Variants in RGS6 observed in about 807,000 individuals in gnomAD.
The protein encoded by RGS6 is regulator of G protein signaling 6, also known as regulator of G-protein signaling 6.
RGS6 carries 30 observed loss-of-function variants against 78.5 expected under a neutral mutation model. The observed-to-expected ratio is 0.38, with a 90% CI of 0.29 to 0.52. RGS6 has a LOEUF of 0.52. Among genes scored for constraint, RGS6 ranks in the 20% least tolerant of loss-of-function variants. RGS6 has a pLI of 0.85. For synonymous variants in RGS6, 206 were observed against 206.0 expected, an observed-to-expected ratio of 1.00 and a Z score of 0.00; for missense variants, 495 against 609.7, an observed-to-expected ratio of 0.81 and a Z score of 1.98.
At chr14:72,615,695 G>C in the RGS6 span, among the ~76,000 whole-genome samples, 1 of 152,252 alleles carries the variant, frequency 6.6e-6, no homozygotes, top group African/African-American at 2.4e-5. Context: ...CTGGGGCAGG[G>C]ACAGGAGCAG....
At chr14:72,240,041 C>T (rs866352216) in intron 2 of RGS6, among the ~76,000 whole-genome samples, 14 of 152,134 alleles carry the variant, frequency 9.2e-5, no homozygotes, top group South Asian at 2.1e-4. Context: ...CACACACACA[C>T]GCTTAAAGCT....
intron 2 of RGS6, among the ~76,000 whole-genome samples, chr14:72,018,553 G>A (rs1249040830): frequency 6.6e-6 from 1 of 152,226 alleles, no homozygotes; most frequent in African/African-American, 2.4e-5. Flanking sequence ...ATGTTCCAGA[G>A]GCGGTGGTCT....
intron 2 of RGS6, among the ~76,000 whole-genome samples, chr14:72,060,204 G>T (rs1165539857): frequency 6.6e-6 from 1 of 152,160 alleles, no homozygotes; most frequent in Non-Finnish European, 1.5e-5. Flanking sequence ...AGAGCTGGTA[G>T]AGTGCTAATG....
At chr14:72,598,744 T>C in the RGS6 span, among the ~76,000 whole-genome samples, 1 of 152,228 alleles carries the variant, frequency 6.6e-6, no homozygotes, top group Non-Finnish European at 1.5e-5. Flanking sequence ...GGGTTCTCTT[T>C]GGGAGGTCTT....
chr14:72,593,535 C>T, the RGS6 span, among the ~76,000 whole-genome samples: 3 of 152,138 alleles, frequency 2.0e-5, no homozygotes, highest in African/African-American at 7.2e-5. Context: ...CAGGCACATG[C>T]CACGATGCCC....
At chr14:71,964,245 G>A (rs572131216) in intron 1 of RGS6, among the ~76,000 whole-genome samples, 22 of 152,306 alleles carry the variant, frequency 1.4e-4, no homozygotes, top group African/African-American at 4.8e-4. Context: ...GGTGGCGCAC[G>A]CCTGTAATGC....
intron 2 of RGS6, among the ~76,000 whole-genome samples, chr14:72,068,585 C>A (rs1019513784): frequency 6.9e-6 from 1 of 145,708 alleles, no homozygotes; most frequent in African/African-American, 2.5e-5. Context: ...GTAACCTCTG[C>A]GTCCCAGGTT....
At chr14:72,063,805 CTGT>C (rs1461174633) in intron 2 of RGS6, among the ~76,000 whole-genome samples, 1 of 151,858 alleles carries the variant, frequency 6.6e-6, no homozygotes, top group African/African-American at 2.4e-5. Flanking sequence ...TGGGAAGATA[CTGT>C]TATTATCTTC....
rs1427993317 is a variant in RGS6 at position 72,530,458 on chromosome 14, C to T, written c.1279-5728C>T. On this transcript the variant is annotated intron_variant, in intron 15 of 17. Transcript: ENST00000553525. ...ATCCCAGCACTTTGGGAGGCCGAGGCGGGTGAATCACTTGAGGCCAGGGGT... is the reference window on the plus strand; with the variant it reads ...ATCCCAGCACTTTGGGAGGCCGAGGTGGGTGAATCACTTGAGGCCAGGGGT... Among the ~76,000 whole-genome samples, 3 of 152,098 alleles carry T rather than the reference C, an allele frequency of 2.0e-5. 1 individual carries two copies. The highest frequency in any genetic ancestry group is 3.9e-4 in the East Asian group (2 of 5,194).
the RGS6 span, among the ~76,000 whole-genome samples, chr14:71,923,899 A>G: frequency 2.0e-4 from 31 of 152,332 alleles, 2 homozygotes; most frequent in African/African-American, 7.5e-4. Flanking sequence ...GAGATGGTGC[A>G]AGATGGGACA....
chr14:72,123,343 G>A (rs1332998718), intron 2 of RGS6, among the ~76,000 whole-genome samples: 9 of 152,158 alleles, frequency 5.9e-5, no homozygotes, highest in African/African-American at 1.4e-4. Flanking sequence ...AGAAAGAATC[G>A]TCCTAAAGTA....
At chr14:71,872,707 A>T in the RGS6 span, among the ~76,000 whole-genome samples, 1 of 152,070 alleles carries the variant, frequency 6.6e-6, no homozygotes, top group African/African-American at 2.4e-5. Flanking sequence ...GGTTTGTTAC[A>T]TATGTATACA....
At chr14:72,030,029 T>A (rs2090586715) in intron 2 of RGS6, among the ~76,000 whole-genome samples, 1 of 152,232 alleles carries the variant, frequency 6.6e-6, no homozygotes, top group African/African-American at 2.4e-5. Context: ...TACAGAGGAC[T>A]AAAAGGTAAA....
intron 2 of RGS6, among the ~76,000 whole-genome samples, chr14:72,339,833 T>G (rs947154204): frequency 6.6e-6 from 1 of 152,168 alleles, no homozygotes; most frequent in Non-Finnish European, 1.5e-5. Context: ...TGCTGCTGGG[T>G]CTCAGGCAAC....
intron 2 of RGS6, among the ~76,000 whole-genome samples, chr14:72,350,734 G>A (rs1451766732): frequency 6.6e-6 from 1 of 152,112 alleles, no homozygotes; most frequent in African/African-American, 2.4e-5. Context: ...CATTTGGGGG[G>A]TTATTTGCTG....
At chr14:71,897,576 A>G in the RGS6 span, among the ~76,000 whole-genome samples, 1 of 152,126 alleles carries the variant, frequency 6.6e-6, no homozygotes, top group African/African-American at 2.4e-5. Flanking sequence ...GCTGGAGTGC[A>G]GTGGCACGAC....
At chr14:71,988,935 C>T (rs1046378111) in intron 2 of RGS6, among the ~76,000 whole-genome samples, 1 of 152,120 alleles carries the variant, frequency 6.6e-6, no homozygotes, top group Non-Finnish European at 1.5e-5. Flanking sequence ...ATAATTTATG[C>T]CAGTACATTA....
intron 2 of RGS6, among the ~76,000 whole-genome samples, chr14:72,077,284 G>A (rs2094612353): frequency 6.6e-6 from 1 of 151,886 alleles, no homozygotes; most frequent in South Asian, 2.1e-4. Context: ...TCCATTGAGG[G>A]GTTTCCTACT....
chr14:72,468,251 C>T (rs969836056), intron 7 of RGS6, among the ~76,000 whole-genome samples: 4 of 152,064 alleles, frequency 2.6e-5, no homozygotes, highest in Non-Finnish European at 4.4e-5. Flanking sequence ...TAGTGGCACA[C>T]GCCTGTAGAT....
Sources: allele counts gnomAD v4.1 joint callset (sites outside exome capture counted in the v4.1 genomes callset), GRCh38; gene constraint gnomAD v4.1.1; transcripts MANE v1.5; gene names NCBI Gene and HGNC (gene_info 2026-07-23, HGNC 2026-07-21).